INPP5B: variants seen among roughly 807,000 people sequenced by gnomAD.
The protein encoded by INPP5B is type II inositol 1,4,5-trisphosphate 5-phosphatase.
Under a neutral mutation model 118.5 loss-of-function variants are expected in INPP5B, and 90 were observed. The ratio of observed to expected loss-of-function variants is 0.76; its 90% CI spans 0.64 to 0.90. The LOEUF is 0.90. Among genes scored for constraint, INPP5B ranks in the 40% least tolerant of loss-of-function variants. INPP5B has a pLI of 0.00. For synonymous variants in INPP5B, 385 were observed against 418.9 expected (o/e 0.92, Z 0.99); for missense variants, 984 against 1,125.6 (o/e 0.87, Z 1.80).
rs760020321 is a variant in INPP5B, at chr1:37,945,768, C to T, written c.140G>A (p.Gly47Asp). The T allele has an allele frequency of 8.1e-6, 13 of 1,613,582 alleles. No individual in the cohort carries two copies. The East Asian group carries it at 8.9e-5, about 11-fold the overall frequency. ...GCCCCTCACTCACGCGTGTTCCTGGCCGCCGTGCTCCAGGCGGTAGCGCAC... is the reference window on the plus strand; with the variant it reads ...GCCCCTCACTCACGCGTGTTCCTGGTCGCCGTGCTCCAGGCGGTAGCGCAC... ...GLVRYRLEHG[G>D]QEHALFLYTH... The change falls in exon 3 of 24, where the codon GGC (glycine) becomes GAC (aspartate). Residue 47 changes from glycine to aspartate, a missense_variant. Gly to Asp is a moderately conservative substitution (Grantham distance 94). Transcript: ENST00000373024.
intron 5 of INPP5B, among the ~76,000 whole-genome samples, chr1:37,942,840 C>T (rs1645982464): frequency 7.1e-6 from 1 of 140,014 alleles, no homozygotes; most frequent in Non-Finnish European, 1.5e-5. Context: ...ACCTGGGAGG[C>T]GGAGGTTGCA....
rs749342191 is a variant in INPP5B at position 37,891,487 on chromosome 1, T to A, written c.533-33A>T. The A allele has an allele frequency of 3.4e-6, 5 of 1,466,408 alleles. No individual in the cohort carries two copies. The African/African-American group carries it at 7.0e-5, about 20-fold the overall frequency. The allele number at this position is 1,466,408 out of a possible 1,614,324, so 90.8% of individuals were successfully genotyped here. On this transcript the variant is annotated intron_variant, in intron 7 of 23. Coordinates refer to ENST00000373024, the MANE Select transcript of INPP5B (RefSeq NM_005540.3). ...GAAGGAGAAGAAATTAAAATATACATACATAGGCTGGACATGGTGGCTCAT... is the reference window on the plus strand; with the variant it reads ...GAAGGAGAAGAAATTAAAATATACAAACATAGGCTGGACATGGTGGCTCAT...
Position 37,891,420 on chromosome 1 carries a change from C to A in INPP5B, c.567G>T (p.Gly189=). 1 of 1,613,952 alleles carries A rather than the reference C, an allele frequency of 6.2e-7. No homozygotes were observed. The highest frequency in any genetic ancestry group is 8.5e-7 in the Non-Finnish European group (1 of 1,179,902). The stretch of plus-strand genomic sequence containing the variant: ...AGCTTTGGTCCATAGGCACTCCCTT[C>A]CCATTTGGTCTCAAACCATCAAAGT... ...GSNFDGLRPN[G]KGVPMDQSSR... is the part of the protein sequence containing the mutation. The change falls in exon 8 of 24, where the codon GGG becomes GGT. Residue 189 remains glycine (G), a synonymous_variant. Coordinates refer to ENST00000373024, the MANE Select transcript of INPP5B (RefSeq NM_005540.3).
chr1:37,887,686 T>C (rs767162099), intron 10 of INPP5B, among the ~76,000 whole-genome samples: 4 of 152,160 alleles, frequency 2.6e-5, no homozygotes, highest in African/African-American at 4.8e-5. Context: ...GCCTATGAAG[T>C]AGTTCGAAGT....
At chr1:37,930,979 C>CA (rs1022055426) in intron 7 of INPP5B, 1 of 153,490 alleles carries the variant, frequency 6.5e-6, no homozygotes, top group Non-Finnish European at 1.5e-5. Context: ...TGGAGCTGGA[C>CA]AAAAAAAGAC....
At position 37,888,233 on chromosome 1, in the gene INPP5B, AAG is replaced by A; in HGVS notation, c.899+8_899+9del. On this transcript the variant is annotated splice_region_variant and intron_variant, in intron 10 of 23. Transcript: ENST00000373024. The stretch of plus-strand genomic sequence containing the variant: ...GAAGATGGAGAGGGGACTAGAAGAG[AAG>A]CACTCACCCTACACAATAGACATCT... 1 of 1,479,314 alleles carries A rather than the reference AAG, an allele frequency of 6.8e-7. No individual in the cohort carries two copies. Among genetic ancestry groups the A allele is most frequent in the Non-Finnish European group, 9.0e-7 (1 of 1,105,934 alleles). The allele number at this position is 1,479,314 out of a possible 1,614,324, so 91.6% of individuals were successfully genotyped here. A position where few individuals can be genotyped will look rare whatever the true frequency, so the allele number is the denominator to read the frequency against.
Position 37,914,899 on chromosome 1 carries a change from A to G in INPP5B, c.532+17014T>C, listed in dbSNP as rs558532681. Reference sequence around the variant, plus strand: ...ACCAGGCAGTCAGTAAACACACCCTAAACAAACAGTCCCCAGGCAGATTAA... The same window carrying G: ...ACCAGGCAGTCAGTAAACACACCCTGAACAAACAGTCCCCAGGCAGATTAA... On this transcript the variant is annotated intron_variant, in intron 7 of 23. Transcript: ENST00000373024. 7.2e-5 allele frequency among the ~76,000 whole-genome samples: 11 copies of G among 152,254 alleles called. No homozygotes were observed. In the South Asian group the frequency reaches 2.3e-3, roughly 32 times the overall value.
intron 13 of INPP5B, chr1:37,885,393 G>A (rs1474090505): frequency 5.9e-5 from 21 of 354,122 alleles, no homozygotes; most frequent in African/African-American, 1.9e-4. Context: ...CAGCCTAGGC[G>A]ACAGAGCGCG....
intron 16 of INPP5B, 29 bp from the exon 17 acceptor site, chr1:37,875,745 C>T (rs1217384398): frequency 6.5e-7 from 1 of 1,546,258 alleles, no homozygotes; most frequent in East Asian, 2.2e-5. Context: ...AGACTGAGTA[C>T]CTTGGCTTCT....
At chr1:37,946,177 G>T in intron 2 of INPP5B, 75 bp downstream of exon 2, 1 of 1,376,936 alleles carries the variant, frequency 7.3e-7, no homozygotes, top group Non-Finnish European at 1.0e-6. Context: ...AGAGGGGATA[G>T]ACACCTCGAC....
chr1:37,931,423 A>G, intron 7 of INPP5B: 4 of 1,516,550 alleles, frequency 2.6e-6, no homozygotes, highest in Non-Finnish European at 3.5e-6. Flanking sequence ...TTCGGAACGG[A>G]GCTTTACTAA....
chr1:37,891,647 G>A (rs1460442347), intron 7 of INPP5B, among the ~76,000 whole-genome samples, 193 bp from the exon 8 acceptor site: 1 of 151,968 alleles, frequency 6.6e-6, no homozygotes, highest in African/African-American at 2.4e-5. Flanking sequence ...GGTGGTGCAT[G>A]CCTGTAATCC....
At chr1:37,908,417 T>C (rs913468333) in intron 7 of INPP5B, among the ~76,000 whole-genome samples, 3 of 151,974 alleles carry the variant, frequency 2.0e-5, no homozygotes, top group Admixed American at 2.0e-4. Flanking sequence ...TCCTTCCAAT[T>C]CCAATTCTTT....
intron 13 of INPP5B, chr1:37,883,836 G>C: frequency 1.0e-6 from 1 of 985,424 alleles, no homozygotes; most frequent in Non-Finnish European, 1.2e-6. Flanking sequence ...TTTACTCCTT[G>C]GCAGATATCA....
At chr1:37,872,519 CAT>C (rs769039213) in intron 19 of INPP5B, among the ~76,000 whole-genome samples, 8 of 151,818 alleles carry the variant, frequency 5.3e-5, no homozygotes, top group Non-Finnish European at 8.8e-5. Context: ...GTTCTTCTCT[CAT>C]GTTCTTGCCA....
intron 20 of INPP5B, among the ~76,000 whole-genome samples, chr1:37,867,600 T>A (rs1473534366): frequency 6.6e-6 from 1 of 152,162 alleles, no homozygotes; most frequent in African/African-American, 2.4e-5. Context: ...CAACTTTCAA[T>A]AAATGTGAGG....
In INPP5B at chr1:37,868,634, A is replaced by C; in HGVS notation, c.2188-20T>G. The C allele has an allele frequency of 6.5e-6, 10 of 1,526,972 alleles. No individual in the cohort carries two copies. The highest frequency in any genetic ancestry group is 2.2e-5 in the South Asian group (2 of 89,208). 94.6% of individuals were successfully genotyped at this position (1,526,972 alleles called of 1,614,324 possible). A position where few individuals can be genotyped will look rare whatever the true frequency, so the allele number is the denominator to read the frequency against. On this transcript the variant is annotated intron_variant, in intron 19 of 23. Coordinates refer to ENST00000373024, the MANE Select transcript of INPP5B (RefSeq NM_005540.3). ...CAGAGTCTGGAAAGCAATCAAGATCATGACAGAACTTCTGCCAGGCTGGCT... is the reference window on the plus strand; with the variant it reads ...CAGAGTCTGGAAAGCAATCAAGATCCTGACAGAACTTCTGCCAGGCTGGCT...
At chr1:37,895,030 C>A (rs1322004599) in intron 7 of INPP5B, among the ~76,000 whole-genome samples, 1 of 152,182 alleles carries the variant, frequency 6.6e-6, no homozygotes, top group Non-Finnish European at 1.5e-5. Flanking sequence ...GAAATGCAAT[C>A]CCCAGCTGGA....
rs373523453 is a variant in INPP5B, at chr1:37,882,836, C to T, written c.1402G>A (p.Asp468Asn). ...TCATATGCATACAGCATTTGAAAGT[C>T]CTTCTCTTCGATGAGCTTTTTCACT... ...EKVKKLIEEK[D>N]FQMLYAYDQL... The change falls in exon 14 of 24, where the codon GAC becomes AAC. Residue 468 changes from aspartate (D) to asparagine (N), a missense_variant. Transcript: ENST00000373024. 7 of 1,613,986 alleles carry T rather than the reference C, an allele frequency of 4.3e-6. No individual in the cohort carries two copies. In the African/African-American group the frequency reaches 8.0e-5, roughly 18 times the overall value.
Sources: gnomAD v4.1 joint callset for allele counts (sites outside exome capture counted in the v4.1 genomes callset) on GRCh38, gnomAD v4.1.1 for gene constraint, MANE v1.5 for transcripts, NCBI Gene and HGNC (gene_info 2026-07-23, HGNC 2026-07-21) for gene names.